CLIC3: variants seen among roughly 807,000 people sequenced by gnomAD.
CLIC3 encodes CLIC family member 3.
A neutral mutation model predicts 19.9 loss-of-function variants in CLIC3; 29 were observed. The ratio of observed to expected loss-of-function variants is 1.46; its 90% CI spans 1.09 to 1.99. The LOEUF (loss-of-function observed/expected upper bound fraction) is 1.99, where lower values mean the gene tolerates loss of function less well. Ranked by LOEUF, CLIC3 falls within the 30% of genes most tolerant of loss-of-function variation. The pLI, the probability that CLIC3 is intolerant of heterozygous loss-of-function variation, is 0.00. For synonymous variants in CLIC3, 143 were observed against 156.4 expected (o/e 0.91, Z 0.64); for missense variants, 365 against 342.6 (o/e 1.07, Z -0.52).
chr9:136,995,397 C>T, intron 3 of CLIC3, 45 bp downstream of exon 3: 2 of 1,610,672 alleles, frequency 1.2e-6, no homozygotes, highest in Non-Finnish European at 1.7e-6. Context: ...GCGCGTCCTC[C>T]CTGGGCCCCC....
In CLIC3 at chr9:136,994,751, T is replaced by C. The variant is rs1206428753; in HGVS notation, c.641A>G (p.Glu214Gly). ...RYLDSAMQEK[E>G]FKYTCPHSAE... ...GCTGTGCGGACACGTGTATTTGAAC[T>C]CTTTCTCCTGCATCGCGCTGTCCAG... The change falls in exon 6 of 6, where the codon GAG becomes GGG. Residue 214 changes from glutamate (E) to glycine (G), a missense_variant. Coordinates refer to ENST00000494426, the MANE Select transcript of CLIC3 (RefSeq NM_004669.3). 6.2e-7 allele frequency: 1 copy of C among 1,608,118 alleles called. No homozygotes were observed. Among genetic ancestry groups the C allele is most frequent in the Non-Finnish European group, 8.5e-7 (1 of 1,177,960 alleles).
At position 136,995,434 on chromosome 9, in the gene CLIC3, GCT is replaced by G. The variant is rs771065326; in HGVS notation, c.269+6_269+7del. ...TCTTTTCCCCTCCCACCCTGCCGGG[GCT>G]CTCACTCGGGCGGCCCCAGCGTCTC... On this transcript the variant is annotated splice_donor_region_variant and intron_variant, in intron 3 of 5. Transcript: ENST00000494426. The G allele has an allele frequency of 6.2e-7, 1 of 1,612,174 alleles. No individual in the cohort carries two copies. Among genetic ancestry groups the G allele is most frequent in the Non-Finnish European group, 8.5e-7 (1 of 1,179,706 alleles).
rs1554730971 is a variant in CLIC3 at position 136,995,738 on chromosome 9, C to CT, written c.52dup (p.Ser18LysfsTer51). On this transcript the variant is annotated frameshift_variant, in exon 2 of 6. Transcript: ENST00000494426. LOFTEE classifies it high-confidence loss of function. The stretch of plus-strand genomic sequence containing the variant: ...CTGGCAGGAGGGGCAGTGACCCACG[C>CT]TCTCCCCGTCCTCACTCGCCTGGGT... 6.3e-7 allele frequency: 1 copy of CT among 1,584,570 alleles called. No homozygotes were observed. Among genetic ancestry groups the CT allele is most frequent in the Non-Finnish European group, 8.6e-7 (1 of 1,166,838 alleles).
In CLIC3 at chr9:136,994,957, G is replaced by A. The variant is rs111505970; in HGVS notation, c.525C>T (p.Ser175=). The change falls in exon 5 of 6, where the codon AGC becomes AGT. Residue 175 remains serine (S), a synonymous_variant. Coordinates refer to ENST00000494426, the MANE Select transcript of CLIC3 (RefSeq NM_004669.3). ...CGACGATGTGCAGCTTGGGCAGGAG[G>A]CTGCAGTCGGCCAGCGTGAGCCTGT... ...DGDRLTLADC[S]LLPKLHIVDT... The A allele has an allele frequency of 3.9e-3, 5,867 of 1,502,840 alleles. 200 individuals are homozygous for A. In the African/African-American group the frequency reaches 0.072, roughly 18 times the overall value. The allele number at this position is 1,502,840 out of a possible 1,614,324, so 93.1% of individuals were successfully genotyped here.
Position 136,994,772 on chromosome 9 carries a change from T to G in CLIC3, c.620A>C (p.Asp207Ala). Reference protein sequence around the residue: ...AELRGVRRYLDSAMQEKEFKY... With the variant: ...AELRGVRRYLASAMQEKEFKY... ...GAACTCTTTCTCCTGCATCGCGCTG[T>G]CCAGGTAGCGGCGTACGCCGCGCAG... The change falls in exon 6 of 6, where the codon GAC (aspartate) becomes GCC (alanine). Residue 207 changes from aspartate to alanine, a missense_variant. Coordinates refer to ENST00000494426, the MANE Select transcript of CLIC3 (RefSeq NM_004669.3). 6.2e-7 allele frequency: 1 copy of G among 1,601,208 alleles called. No individual in the cohort carries two copies. The highest frequency in any genetic ancestry group is 8.5e-7 in the Non-Finnish European group (1 of 1,174,584).
rs567252644 is a variant in CLIC3, at chr9:136,995,790, G to C, written c.34-33C>G. On this transcript the variant is annotated intron_variant, in intron 1 of 5. Transcript: ENST00000494426. ...GGTGGAGCGGGGGTGGGGGGTCAGGGCTGGAAGCAGACCCAGGCATCCTGC... is the reference window on the plus strand; with the variant it reads ...GGTGGAGCGGGGGTGGGGGGTCAGGCCTGGAAGCAGACCCAGGCATCCTGC... The C allele has an allele frequency of 2.4e-5, 34 of 1,401,348 alleles. No homozygotes were observed. In the African/African-American group the frequency reaches 4.7e-4, roughly 19 times the overall value. The allele number at this position is 1,401,348 out of a possible 1,614,324, so 86.8% of individuals were successfully genotyped here.
rs1251779956 is a variant in CLIC3, at chr9:136,994,998, GGCGGCGGGACTCGCGCAGCT to G, written c.464_483del (p.Gln155ProfsTer86). ...GTGAGCCTGTCGCCGTCCAGGAAGC[GGCGGCGGGACTCGCGCAGCT>G]GCGGCTCCCCCGCCAGCTCGTGCTC... On this transcript the variant is annotated frameshift_variant, in exon 5 of 6. Transcript: ENST00000494426. LOFTEE classifies it high-confidence loss of function. The G allele has an allele frequency of 6.6e-6, 10 of 1,505,698 alleles. No individual in the cohort carries two copies. Among genetic ancestry groups the G allele is most frequent in the Non-Finnish European group, 7.9e-6 (9 of 1,132,906 alleles). The allele number at this position is 1,505,698 out of a possible 1,614,324, so 93.3% of individuals were successfully genotyped here. A position where few individuals can be genotyped will look rare whatever the true frequency, so the allele number is the denominator to read the frequency against.
chr9:136,995,026 C>T lies in CLIC3; in HGVS notation c.456G>A (p.Gly152=). 1.3e-6 allele frequency: 2 copies of T among 1,509,430 alleles called. No homozygotes were observed. Among genetic ancestry groups the T allele is most frequent in the Non-Finnish European group, 1.8e-6 (2 of 1,133,818 alleles). 93.5% of individuals were successfully genotyped at this position (1,509,430 alleles called of 1,614,324 possible). A position where few individuals can be genotyped will look rare whatever the true frequency, so the allele number is the denominator to read the frequency against. ...LRAPLEHELA[G]EPQLRESRRR... Reference sequence around the variant, plus strand: ...GGCGGGACTCGCGCAGCTGCGGCTCCCCCGCCAGCTCGTGCTCCAGGGGCG... The same window carrying T: ...GGCGGGACTCGCGCAGCTGCGGCTCTCCCGCCAGCTCGTGCTCCAGGGGCG... Residue 152 remains glycine (G), a synonymous_variant, in exon 5 of 6, where the codon GGG becomes GGA. Transcript: ENST00000494426.
At chr9:136,995,389 G>A in intron 3 of CLIC3, 53 bp downstream of exon 3, 1 of 1,610,124 alleles carries the variant, frequency 6.2e-7, no homozygotes, top group South Asian at 1.1e-5. Context: ...TGTCTTGCGC[G>A]CGTCCTCCCT....
intron 3 of CLIC3, 57 bp downstream of exon 3, chr9:136,995,385 G>T: frequency 6.2e-7 from 1 of 1,610,340 alleles, no homozygotes; most frequent in Admixed American, 1.7e-5. Context: ...GCTCTGTCTT[G>T]CGCGCGTCCT....
In CLIC3 at chr9:136,996,554, G is replaced by A; in HGVS notation, c.-11C>T. 1 of 1,552,960 alleles carries A rather than the reference G, an allele frequency of 6.4e-7. No individual in the cohort carries two copies. The highest frequency in any genetic ancestry group is 8.7e-7 in the Non-Finnish European group (1 of 1,147,832). On this transcript the variant is annotated 5_prime_UTR_variant, in exon 1 of 6. Coordinates refer to ENST00000494426, the MANE Select transcript of CLIC3 (RefSeq NM_004669.3). Reference sequence around the variant, plus strand: ...CTTGGTCTCCGCCATGGTGGGAGCTGCCGCGGTCAGGCGCGGGTGGGGACC... The same window carrying A: ...CTTGGTCTCCGCCATGGTGGGAGCTACCGCGGTCAGGCGCGGGTGGGGACC...
rs1182802112 is a variant in CLIC3 at position 136,995,551 on chromosome 9, T to C, written c.160A>G (p.Lys54Glu). 6.2e-7 allele frequency: 1 copy of C among 1,612,360 alleles called. No homozygotes were observed. Among genetic ancestry groups the C allele is most frequent in the Non-Finnish European group, 8.5e-7 (1 of 1,179,770 alleles). The change falls in exon 3 of 6, where the codon AAG becomes GAG. Residue 54 changes from lysine (K) to glutamate (E), a missense_variant. By Grantham distance (56) the Lys-to-Glu change is moderately conservative (BLOSUM62 1). Transcript: ENST00000494426. ...VDTRRSPDVL[K>E]DFAPGSQLPI... ...AGCTGCGAGCCGGGGGCGAAGTCCT[T>C]CAGCACGTCCGGGGACCTGCGGGCA...
rs569271517 is a variant in CLIC3, at chr9:136,996,385, C to G, written c.33+126G>C. On this transcript the variant is annotated intron_variant, in intron 1 of 5. Transcript: ENST00000494426. Reference sequence around the variant, plus strand: ...CCTCTGTAGGGCTGCCTGAGTCCCCCTAGCCACCCACAGGAAGGGGCTCAG... The same window carrying G: ...CCTCTGTAGGGCTGCCTGAGTCCCCGTAGCCACCCACAGGAAGGGGCTCAG... 48 of 876,974 alleles carry G rather than the reference C, an allele frequency of 5.5e-5. 2 individuals carry two copies. In the South Asian group the frequency reaches 7.2e-4, roughly 13 times the overall value. The allele number at this position is 876,974 out of a possible 1,614,324, so 54.3% of individuals were successfully genotyped here.
intron 1 of CLIC3, 130 bp downstream of exon 1, chr9:136,996,381 C>T (rs1285965783): frequency 1.2e-6 from 1 of 829,306 alleles, no homozygotes; most frequent in East Asian, 2.7e-5. Flanking sequence ...CTGCCTGAGT[C>T]CCCCTAGCCA....
rs1212299249 is a variant in CLIC3, at chr9:136,995,682, C to G, written c.109G>C (p.Val37Leu). The G allele has an allele frequency of 6.2e-7, 1 of 1,609,384 alleles. No homozygotes were observed. The highest frequency in any genetic ancestry group is 8.5e-7 in the Non-Finnish European group (1 of 1,178,664). ...RLFMVLLLKG[V>L]PFTLTTVDTR... ...TCCACCGTGGTGAGGGTGAAAGGTACGCCCTTGAGGAGCAGGACCATGAAG... is the reference window on the plus strand; with the variant it reads ...TCCACCGTGGTGAGGGTGAAAGGTAGGCCCTTGAGGAGCAGGACCATGAAG... The change falls in exon 2 of 6, where the codon GTA becomes CTA. Residue 37 changes from valine to leucine, a missense_variant. Transcript: ENST00000494426.
At position 136,995,196 on chromosome 9, in the gene CLIC3, C is replaced by T. The variant is rs1362464645; in HGVS notation, c.366G>A (p.Ala122=). ...FSAFIKNPVP[A]QDEALYQQLL... ...CTGACCCCGCTTCACCTTCGTCCTG[C>T]GCGGGCACCGGGTTCTTGATGAACG... Residue 122 remains alanine (A), a synonymous_variant, in exon 4 of 6, where the codon GCG becomes GCA. Transcript: ENST00000494426. 7 of 1,612,266 alleles carry T rather than the reference C, an allele frequency of 4.3e-6. No homozygotes were observed. In the African/African-American group the frequency reaches 6.7e-5, roughly 15 times the overall value.
chr9:136,994,902 C>CCA, intron 5 of CLIC3, 28 bp downstream of exon 5: 2 of 1,471,778 alleles, frequency 1.4e-6, no homozygotes, highest in Non-Finnish European at 1.8e-6. Context: ...CGCGGTCACC[C>CCA]TCCCGCCCGC....
In CLIC3 at chr9:136,994,980, T is replaced by C; in HGVS notation, c.502A>G (p.Arg168Gly). The change falls in exon 5 of 6, where the codon AGG becomes GGG. Residue 168 changes from arginine to glycine, a missense_variant. By Grantham distance (125) the Arg-to-Gly change is moderately radical (BLOSUM62 -2). Transcript: ENST00000494426. ...ESRRRFLDGD[R>G]LTLADCSLLP... ...AGGCTGCAGTCGGCCAGCGTGAGCC[T>C]GTCGCCGTCCAGGAAGCGGCGGCGG... 6.7e-7 allele frequency: 1 copy of C among 1,492,116 alleles called. No homozygotes were observed. Among genetic ancestry groups the C allele is most frequent in the Non-Finnish European group, 8.9e-7 (1 of 1,125,204 alleles). 92.4% of individuals were successfully genotyped at this position (1,492,116 alleles called of 1,614,324 possible).
In CLIC3 at chr9:136,996,562, C is replaced by A; in HGVS notation, c.-19G>T. On this transcript the variant is annotated 5_prime_UTR_variant, in exon 1 of 6. Transcript: ENST00000494426. The stretch of plus-strand genomic sequence containing the variant: ...CCGCCATGGTGGGAGCTGCCGCGGT[C>A]AGGCGCGGGTGGGGACCTGGGGAGC... 1 of 1,552,166 alleles carries A rather than the reference C, an allele frequency of 6.4e-7. No individual in the cohort carries two copies. Among genetic ancestry groups the A allele is most frequent in the African/African-American group, 1.4e-5 (1 of 73,382 alleles).
Sources: allele counts gnomAD v4.1 joint callset, GRCh38; gene constraint gnomAD v4.1.1; transcripts MANE v1.5; gene names NCBI Gene and HGNC (gene_info 2026-07-23, HGNC 2026-07-21).